The following ABLIM1 variants were observed in gnomAD, a reference collection of about 807,000 sequenced individuals.
ABLIM1 encodes the protein actin-binding LIM protein 1.
A neutral mutation model predicts 107.0 loss-of-function variants in ABLIM1; 40 were observed. The ratio of observed to expected loss-of-function variants is 0.37; its 90% CI spans 0.29 to 0.49. The LOEUF is 0.49. Among genes scored for constraint, ABLIM1 ranks in the 20% least tolerant of loss-of-function variants. The pLI is 0.97. For synonymous variants in ABLIM1, 357 were observed against 357.3 expected (o/e 1.00, Z 0.01); for missense variants, 857 against 1,008.5 (o/e 0.85, Z 2.04).
At chr10:114,519,861 C>G (rs113317222) in intron 6 of ABLIM1, among the ~76,000 whole-genome samples, 3,667 of 152,296 alleles carry the variant, frequency 0.024, 148 homozygotes, top group African/African-American at 0.084. Flanking sequence ...CTTAGCTCAC[C>G]ACCAACCCAG....
At chr10:114,539,348 ACT>A (rs2066384123) in intron 6 of ABLIM1, among the ~76,000 whole-genome samples, 1 of 150,286 alleles carries the variant, frequency 6.7e-6, no homozygotes, top group East Asian at 2.0e-4. Flanking sequence ...ACAAAGCAAG[ACT>A]CTGTCTCAAA....
intron 6 of ABLIM1, among the ~76,000 whole-genome samples, chr10:114,542,950 G>A (rs970517760): frequency 3.9e-5 from 6 of 152,188 alleles, no homozygotes; most frequent in Non-Finnish European, 1.5e-5. Context: ...TAGTTTTGAA[G>A]TGTCCTTGGG....
chr10:114,483,833 GGGCTGAGATGA>G (rs764286009), intron 8 of ABLIM1, among the ~76,000 whole-genome samples: 12 of 152,220 alleles, frequency 7.9e-5, no homozygotes, highest in Non-Finnish European at 1.6e-4. Context: ...GGTTTCATCT[GGGCTGAGATGA>G]GATTGTAGAA....
intron 12 of ABLIM1, 178 bp downstream of exon 12, chr10:114,465,520 T>G (rs1438303003): frequency 1.6e-6 from 1 of 625,564 alleles, no homozygotes; most frequent in East Asian, 3.1e-5. Flanking sequence ...TTAGGATGAC[T>G]GATGTTTCAA....
At chr10:114,443,606 C>T (rs926095542) in intron 17 of ABLIM1, among the ~76,000 whole-genome samples, 1 of 150,886 alleles carries the variant, frequency 6.6e-6, no homozygotes, top group Admixed American at 6.6e-5. Context: ...AGCCACCGCA[C>T]CCGGCCTCTA....
intron 1 of ABLIM1, among the ~76,000 whole-genome samples, chr10:114,630,939 A>C (rs1489680787): frequency 6.6e-6 from 1 of 152,222 alleles, no homozygotes; most frequent in Non-Finnish European, 1.5e-5. Context: ...AGAATGATTC[A>C]ATTTTTATAT....
chr10:114,658,527 A>C (rs1212539316), upstream of ABLIM1, among the ~76,000 whole-genome samples: 2 of 152,164 alleles, frequency 1.3e-5, no homozygotes, highest in East Asian at 3.8e-4. Context: ...TCCTGCAAAT[A>C]CTCCTAGAAT....
the ABLIM1 span, among the ~76,000 whole-genome samples, chr10:114,795,713 A>T: frequency 6.6e-6 from 1 of 151,722 alleles, no homozygotes; most frequent in Non-Finnish European, 1.5e-5. Flanking sequence ...CCATCTCAAA[A>T]AAAAAAAAAA....
At chr10:114,498,316 A>C (rs2059962417) in intron 6 of ABLIM1, among the ~76,000 whole-genome samples, 1 of 152,214 alleles carries the variant, frequency 6.6e-6, no homozygotes, top group Non-Finnish European at 1.5e-5. Flanking sequence ...CAGAAGAGCA[A>C]TTTTGGTAGA....
At chr10:114,798,298 G>T in the ABLIM1 span, among the ~76,000 whole-genome samples, 172 of 152,098 alleles carry the variant, frequency 1.1e-3, no homozygotes, top group African/African-American at 3.9e-3. Flanking sequence ...GTGCGCGCCT[G>T]TAGTCCCAGC....
chr10:114,759,584 C>T (rs1041804491), intron 1 of ABLIM1, among the ~76,000 whole-genome samples: 4 of 152,290 alleles, frequency 2.6e-5, no homozygotes, highest in African/African-American at 9.6e-5. Context: ...TATACCTCAG[C>T]ACACCAACTT....
rs1479018388 is a variant in ABLIM1, at chr10:114,665,073, C to A, written c.64+19217G>T. The stretch of plus-strand genomic sequence containing the variant: ...TGGAGCTTGCAGTGAGCCGAGATAG[C>A]GCCACTGCACTCCGGCCTCGGCGAA... On this transcript the variant is annotated intron_variant, in intron 1 of 23. Transcript: ENST00000369256. 2.0e-5 allele frequency among the ~76,000 whole-genome samples: 3 copies of A among 151,108 alleles called. No individual in the cohort carries two copies. The East Asian group carries it at 6.0e-4, about 30-fold the overall frequency.
At chr10:114,528,058 G>T (rs192912218) in intron 6 of ABLIM1, among the ~76,000 whole-genome samples, 1 of 151,906 alleles carries the variant, frequency 6.6e-6, no homozygotes, top group Non-Finnish European at 1.5e-5. Flanking sequence ...GGATGGTCTC[G>T]ATCTCTTGAC....
intron 6 of ABLIM1, among the ~76,000 whole-genome samples, chr10:114,512,678 A>T (rs2062049366): frequency 6.6e-6 from 1 of 152,070 alleles, no homozygotes; most frequent in African/African-American, 2.4e-5. Context: ...TACAAAAATT[A>T]GCTGGGTGTG....
At chr10:114,625,832 T>C (rs1168278099) in intron 1 of ABLIM1, among the ~76,000 whole-genome samples, 1 of 152,202 alleles carries the variant, frequency 6.6e-6, no homozygotes, top group Non-Finnish European at 1.5e-5. Flanking sequence ...AAGTGATCTC[T>C]GACCTCCTGT....
intron 6 of ABLIM1, among the ~76,000 whole-genome samples, chr10:114,544,615 G>A (rs2067087117): frequency 6.6e-6 from 1 of 152,050 alleles, no homozygotes; most frequent in Non-Finnish European, 1.5e-5. Context: ...TCTGCTCCCT[G>A]AATCTGCACA....
chr10:114,596,287 T>C lies in ABLIM1; in HGVS notation c.379+5540A>G, dbSNP rs533261207. ...TCACAGGACTTATTACTTGGTCTCA[T>C]AAATGTTGCTTACTTGTACGTCTCT... is the stretch of plus-strand genomic sequence containing the variant. On this transcript the variant is annotated intron_variant, in intron 2 of 22. Coordinates refer to ENST00000533213, the MANE Select transcript of ABLIM1 (RefSeq NM_002313.7). Among the ~76,000 whole-genome samples, 13 of 152,352 alleles carry C rather than the reference T, an allele frequency of 8.5e-5. No homozygotes were observed. The East Asian group carries it at 1.3e-3, about 16-fold the overall frequency.
chr10:114,741,487 A>C (rs2082287698), intron 1 of ABLIM1, among the ~76,000 whole-genome samples: 1 of 151,976 alleles, frequency 6.6e-6, no homozygotes, highest in South Asian at 2.1e-4. Flanking sequence ...AGCCTCCCAA[A>C]GTGCTGGGAT....
chr10:114,663,420 T>C (rs753004450), intron 1 of ABLIM1, among the ~76,000 whole-genome samples: 3 of 152,254 alleles, frequency 2.0e-5, no homozygotes, highest in African/African-American at 4.8e-5. Flanking sequence ...CATGAGGCTC[T>C]GTACATACTT....
Sources: allele counts gnomAD v4.1 joint callset (sites outside exome capture counted in the v4.1 genomes callset), GRCh38; gene constraint gnomAD v4.1.1; transcripts MANE v1.5; gene names NCBI Gene and HGNC (gene_info 2026-07-23, HGNC 2026-07-21).